GAS7: variants seen among roughly 807,000 people sequenced by gnomAD.
GAS7 encodes growth arrest-specific protein 7.
A neutral mutation model predicts 71.1 loss-of-function variants in GAS7; 28 were observed. That is an observed-to-expected ratio of 0.39 (90% CI 0.29 to 0.54). The LOEUF is 0.54. Among genes scored for constraint, GAS7 ranks in the 20% least tolerant of loss-of-function variants. The probability of loss-of-function intolerance (pLI) is 0.62; values close to 1 mark genes in which losing one functional copy is unlikely to be tolerated. For missense variants in GAS7, 436 were observed against 627.8 expected (o/e 0.69, Z 3.27); for synonymous variants, 258 against 245.8 (o/e 1.05, Z -0.46).
chr17:9,986,661 G>A (rs2070660905), intron 2 of GAS7, among the ~76,000 whole-genome samples: 2 of 152,164 alleles, frequency 1.3e-5, no homozygotes, highest in African/African-American at 4.8e-5. Flanking sequence ...GACCCGATGG[G>A]AGGCCCCTTT....
At chr17:10,019,948 T>C in intron 1 of GAS7, 51 bp from the exon 2 acceptor site, 2 of 1,584,244 alleles carry the variant, frequency 1.3e-6, no homozygotes, top group Non-Finnish European at 1.7e-6. Context: ...TTTGCAAGAG[T>C]TTTTAAACCA....
In GAS7 at chr17:10,020,032, G is replaced by A; in HGVS notation, c.184-135C>T. ...AGTCTGCGGCCCATAAACCCCTGAG[G>A]TCAGAGGCAGCACACACGTGACCTC... On this transcript the variant is annotated intron_variant, in intron 1 of 13. Transcript: ENST00000432992. 7 of 800,764 alleles carry A rather than the reference G, an allele frequency of 8.7e-6. No homozygotes were observed. The South Asian group carries it at 1.1e-4, about 13-fold the overall frequency. The allele number at this position is 800,764 out of a possible 1,614,324, so 49.6% of individuals were successfully genotyped here. A position where few individuals can be genotyped will look rare whatever the true frequency, so the allele number is the denominator to read the frequency against.
intron 1 of GAS7, among the ~76,000 whole-genome samples, chr17:10,159,581 T>C (rs1189771483): frequency 6.6e-6 from 1 of 152,136 alleles, no homozygotes; most frequent in Non-Finnish European, 1.5e-5. Context: ...ATAACTTCTC[T>C]ATGCTCAGTT....
At chr17:10,068,684 A>G (rs1054172720) in intron 1 of GAS7, among the ~76,000 whole-genome samples, 1 of 151,974 alleles carries the variant, frequency 6.6e-6, no homozygotes, top group African/African-American at 2.4e-5. Flanking sequence ...GGATTGCTTG[A>G]GCCCAGGAGT....
At chr17:10,168,829 G>C (rs569520132) in intron 1 of GAS7, among the ~76,000 whole-genome samples, 1 of 151,086 alleles carries the variant, frequency 6.6e-6, no homozygotes, top group South Asian at 2.1e-4. Flanking sequence ...AATTAGCCAG[G>C]CATGGTGGCA....
intron 8 of GAS7, among the ~76,000 whole-genome samples, chr17:9,936,891 T>C (rs1366471739): frequency 6.6e-6 from 1 of 152,224 alleles, no homozygotes; most frequent in Non-Finnish European, 1.5e-5. Flanking sequence ...TTTACCAATG[T>C]GCACATGTCC....
chr17:10,045,501 A>G (rs1482312068), intron 1 of GAS7, among the ~76,000 whole-genome samples: 1 of 152,204 alleles, frequency 6.6e-6, no homozygotes, highest in East Asian at 1.9e-4. Context: ...GTTCAAGGCC[A>G]GCCTGGCCAA....
intron 1 of GAS7, among the ~76,000 whole-genome samples, chr17:10,121,708 G>A (rs2073905608): frequency 6.6e-6 from 1 of 152,082 alleles, no homozygotes; most frequent in African/African-American, 2.4e-5. Flanking sequence ...TTCACCTGTG[G>A]GTTGAGGAGA....
At chr17:10,085,575 C>A (rs1386859936) in intron 1 of GAS7, among the ~76,000 whole-genome samples, 1 of 151,216 alleles carries the variant, frequency 6.6e-6, no homozygotes, top group Non-Finnish European at 1.5e-5. Context: ...GCTTGTAGTC[C>A]CAGCTACTCA....
At chr17:9,951,412 A>T (rs893379506) in intron 5 of GAS7, among the ~76,000 whole-genome samples, 18 of 152,122 alleles carry the variant, frequency 1.2e-4, no homozygotes, top group African/African-American at 4.3e-4. Flanking sequence ...TTCCTCACTC[A>T]AACTGCTCTT....
chr17:10,125,425 G>A (rs1424615368), intron 1 of GAS7, among the ~76,000 whole-genome samples: 1 of 151,362 alleles, frequency 6.6e-6, no homozygotes, highest in Admixed American at 6.6e-5. Context: ...GCTGAGGCAG[G>A]AGAATCGCTT....
chr17:10,153,253 G>C (rs2074180999), intron 1 of GAS7, among the ~76,000 whole-genome samples: 1 of 151,310 alleles, frequency 6.6e-6, no homozygotes, highest in African/African-American at 2.4e-5. Flanking sequence ...TGTAATCCCA[G>C]CACTTTGGGA....
At chr17:10,167,042 G>GCCTTTTT in intron 1 of GAS7, among the ~76,000 whole-genome samples, 1 of 46,624 alleles carries the variant, frequency 2.1e-5, no homozygotes, top group East Asian at 1.1e-3. Context: ...ATTTCCATTT[G>GCCTTTTT]TCTTTTTTTT....
chr17:10,167,146 C>T (rs535529980), intron 1 of GAS7, among the ~76,000 whole-genome samples: 10 of 146,338 alleles, frequency 6.8e-5, no homozygotes, highest in South Asian at 2.2e-4. Context: ...CAACCTCCAC[C>T]GCCTGGGTTC....
intron 2 of GAS7, among the ~76,000 whole-genome samples, chr17:9,984,455 C>A (rs933983941): frequency 1.3e-5 from 2 of 152,112 alleles, no homozygotes; most frequent in Non-Finnish European, 2.9e-5. Flanking sequence ...AAAGCAGAGA[C>A]GGTGTGAACA....
intron 1 of GAS7, among the ~76,000 whole-genome samples, chr17:10,159,343 C>A (rs186423559): frequency 9.2e-5 from 14 of 151,824 alleles, no homozygotes; most frequent in African/African-American, 3.4e-4. Context: ...TTTCGTCCAC[C>A]AAAAACATGT....
chr17:10,018,261 T>G (rs1469427167), intron 2 of GAS7, among the ~76,000 whole-genome samples: 2 of 152,154 alleles, frequency 1.3e-5, no homozygotes, highest in Non-Finnish European at 2.9e-5. Context: ...GTCTCTAACT[T>G]AAAAAAAGAT....
intron 11 of GAS7, among the ~76,000 whole-genome samples, chr17:9,920,182 A>AGCGTGTGT (rs112208548): frequency 5.0e-5 from 7 of 141,154 alleles, no homozygotes; most frequent in African/African-American, 1.8e-4. Context: ...AGATCATGTA[A>AGCGTGTGT]GTGTGTGTGT....
intron 5 of GAS7, among the ~76,000 whole-genome samples, chr17:9,953,527 G>A (rs897810022): frequency 6.6e-6 from 1 of 152,158 alleles, no homozygotes; most frequent in Admixed American, 6.5e-5. Flanking sequence ...AACTCCACAG[G>A]GGAGGAAGAA....
Sources: gnomAD v4.1 joint callset for allele counts (sites outside exome capture counted in the v4.1 genomes callset) on GRCh38, gnomAD v4.1.1 for gene constraint, MANE v1.5 for transcripts, NCBI Gene and HGNC (gene_info 2026-07-23, HGNC 2026-07-21) for gene names.